FOXN3: variants seen among roughly 807,000 people sequenced by gnomAD.
FOXN3 encodes forkhead box protein N3.
A neutral mutation model predicts 38.4 loss-of-function variants in FOXN3; 7 were observed. The ratio of observed to expected loss-of-function variants is 0.18; its 90% CI spans 0.10 to 0.34. The LOEUF is 0.34. FOXN3 is among the 10% of genes least tolerant of loss of function. The pLI, the probability that FOXN3 is intolerant of heterozygous loss-of-function variation, is 1.00. For missense variants in FOXN3, 456 were observed against 613.4 expected (o/e 0.74, Z 2.71); for synonymous variants, 230 against 242.2 (o/e 0.95, Z 0.47).
chr14:89,578,108 G>A (rs970031493), intron 1 of FOXN3, among the ~76,000 whole-genome samples: 8 of 152,138 alleles, frequency 5.3e-5, no homozygotes, highest in African/African-American at 1.9e-4. Flanking sequence ...AAATGCCATG[G>A]CAATTTGAAT....
At chr14:89,281,041 G>A in intron 3 of FOXN3, 27 bp from the exon 4 acceptor site, 2 of 1,605,442 alleles carry the variant, frequency 1.2e-6, no homozygotes, top group Non-Finnish European at 1.7e-6. Flanking sequence ...ACTAGCATAA[G>A]GCCAAGTTCA....
intron 1 of FOXN3, among the ~76,000 whole-genome samples, chr14:89,505,517 T>C (rs942042705): frequency 6.6e-6 from 1 of 152,164 alleles, no homozygotes; most frequent in African/African-American, 2.4e-5. Flanking sequence ...CCGCGAGTGA[T>C]CCGCCAGCCT....
intron 1 of FOXN3, among the ~76,000 whole-genome samples, chr14:89,478,350 T>C (rs1893253934): frequency 6.6e-6 from 1 of 152,172 alleles, no homozygotes; most frequent in Non-Finnish European, 1.5e-5. Context: ...CAGTCTCAGG[T>C]GTTTCTTTAT....
chr14:89,547,494 C>T (rs931639318), intron 1 of FOXN3, among the ~76,000 whole-genome samples: 8 of 151,932 alleles, frequency 5.3e-5, no homozygotes, highest in African/African-American at 1.9e-4. Context: ...GATGGGGTTT[C>T]ACCATGTTGG....
At chr14:89,239,451 G>A (rs1986776) in intron 4 of FOXN3, among the ~76,000 whole-genome samples, 3,421 of 152,242 alleles carry the variant, frequency 0.022, 129 homozygotes, top group African/African-American at 0.078. Flanking sequence ...CCCTTTTCAA[G>A]GCCAGGAAAC....
At chr14:89,215,413 G>A (rs1884244775) in intron 4 of FOXN3, among the ~76,000 whole-genome samples, 1 of 151,728 alleles carries the variant, frequency 6.6e-6, no homozygotes, top group African/African-American at 2.4e-5. Flanking sequence ...TTTACAGAGA[G>A]ACATACTGTT....
rs76787070 is a variant in FOXN3, at chr14:89,598,787, T to C, written c.-15+20241A>G. ...AGAGGTACCCACTCCCCAACCATGA[T>C]GCTTTTCAGCTTTTCTCTTTTTCTT... On this transcript the variant is annotated intron_variant, in intron 1 of 6. Coordinates refer to the FOXN3 transcript ENST00000345097. Among the ~76,000 whole-genome samples, 480 of 152,374 alleles carry C rather than the reference T, an allele frequency of 3.2e-3. 4 individuals are homozygous for C. Among genetic ancestry groups the C allele is most frequent in the African/African-American group, 0.011 (449 of 41,590 alleles).
At position 89,412,090 on chromosome 14, in the gene FOXN3, G is replaced by T. The variant is rs768693184; in HGVS notation, c.387C>A (p.Asp129Glu). The T allele has an allele frequency of 2.5e-5, 41 of 1,612,968 alleles. No homozygotes were observed. In the African/African-American group the frequency reaches 4.5e-4, roughly 18 times the overall value. Residue 129 changes from aspartate to glutamate, a missense_variant, in exon 2 of 6, where the codon GAC becomes GAA. Coordinates refer to ENST00000557258, the MANE Select transcript of FOXN3 (RefSeq NM_005197.4). The surrounding 1 kb of genome is among the most constrained non-coding windows in gnomAD (Gnocchi z 4.7). Reference protein sequence around the residue: ...FSCLIFMAIEDSPTKRLPVKD... With the variant: ...FSCLIFMAIEESPTKRLPVKD... Reference sequence around the variant, plus strand: ...TCACTGGCAGGCGCTTGGTTGGAGAGTCCTCGATGGCCATAAATATGAGGC... The same window carrying T: ...TCACTGGCAGGCGCTTGGTTGGAGATTCCTCGATGGCCATAAATATGAGGC...
chr14:89,535,839 TGAAGTCAGAGTCACA>T (rs1271417895), intron 1 of FOXN3, among the ~76,000 whole-genome samples: 1 of 152,228 alleles, frequency 6.6e-6, no homozygotes, highest in Non-Finnish European at 1.5e-5. Context: ...CCCAAAAGGA[TGAAGTCAGAGTCACA>T]ATTGATTTTC....
At chr14:89,334,348 G>A (rs150780199) in intron 3 of FOXN3, among the ~76,000 whole-genome samples, 386 of 152,266 alleles carry the variant, frequency 2.5e-3, no homozygotes, top group African/African-American at 8.9e-3. Flanking sequence ...GGTGGCTCAC[G>A]CCTGTAATCC....
intron 2 of FOXN3, 111 bp downstream of exon 2, chr14:89,411,823 C>A: frequency 1.6e-6 from 1 of 625,866 alleles, no homozygotes; most frequent in Non-Finnish European, 2.5e-6. Context: ...GACTAAAACC[C>A]ACTTACAACT....
intron 3 of FOXN3, among the ~76,000 whole-genome samples, chr14:89,285,776 T>G (rs1346527694): frequency 6.6e-6 from 1 of 152,092 alleles, no homozygotes; most frequent in Non-Finnish European, 1.5e-5. Flanking sequence ...GGAGGTTGGT[T>G]GTACAACAAT....
intron 2 of FOXN3, among the ~76,000 whole-genome samples, chr14:89,375,900 C>T (rs1260920057): frequency 1.3e-5 from 2 of 152,148 alleles, no homozygotes; most frequent in African/African-American, 4.8e-5. Context: ...CCTGCCTCAG[C>T]CTCCCAAGTA....
intron 5 of FOXN3, among the ~76,000 whole-genome samples, chr14:89,167,260 G>C (rs1887266692): frequency 6.6e-6 from 1 of 152,204 alleles, no homozygotes; most frequent in South Asian, 2.1e-4. Context: ...AACAAGTCAA[G>C]GTGTAGGTTT....
intron 2 of FOXN3, among the ~76,000 whole-genome samples, chr14:89,385,597 C>T (rs965419460): frequency 1.3e-4 from 20 of 151,618 alleles, no homozygotes; most frequent in Non-Finnish European, 8.8e-5. Flanking sequence ...CACCTGAGGT[C>T]GGGAGTTCAA....
intron 4 of FOXN3, among the ~76,000 whole-genome samples, chr14:89,186,605 A>C (rs1211940376): frequency 6.6e-6 from 1 of 152,162 alleles, no homozygotes; most frequent in East Asian, 1.9e-4. Context: ...GGGGGTAATG[A>C]GCCAGCCATG....
chr14:89,314,134 A>G (rs1268512779), intron 3 of FOXN3, among the ~76,000 whole-genome samples: 1 of 152,246 alleles, frequency 6.6e-6, no homozygotes, highest in African/African-American at 2.4e-5. Flanking sequence ...CACAATTAAG[A>G]ATTAAAAAGA....
chr14:89,381,483 C>T (rs1890644194), intron 2 of FOXN3, among the ~76,000 whole-genome samples: 1 of 135,430 alleles, frequency 7.4e-6, no homozygotes, highest in Admixed American at 9.0e-5. Context: ...AGTGTGCTGC[C>T]AAGTCTGGCT....
chr14:89,453,351 T>C (rs564282477), intron 1 of FOXN3, among the ~76,000 whole-genome samples: 1 of 151,904 alleles, frequency 6.6e-6, no homozygotes, highest in South Asian at 2.1e-4. Flanking sequence ...GGTCAGGAGA[T>C]TGAGACCATC....
Sources: allele counts gnomAD v4.1 joint callset (sites outside exome capture counted in the v4.1 genomes callset), GRCh38; gene constraint gnomAD v4.1.1; non-coding constraint Gnocchi (gnomAD v3.1); transcripts MANE v1.5; gene names NCBI Gene and HGNC (gene_info 2026-07-23, HGNC 2026-07-21).